DIAPH2: variants seen among roughly 807,000 people sequenced by gnomAD.
DIAPH2 encodes diaphanous related formin 2.
A neutral mutation model predicts 92.7 loss-of-function variants in DIAPH2; 35 were observed. That is an observed-to-expected ratio of 0.38 (90% confidence interval 0.29 to 0.50). The LOEUF (loss-of-function observed/expected upper bound fraction) is 0.50, where lower values mean the gene tolerates loss of function less well. DIAPH2 is among the 20% of genes least tolerant of loss of function. The pLI is 0.94. For missense variants in DIAPH2, 701 were observed against 819.5 expected (o/e 0.86, Z 1.77); for synonymous variants, 301 against 280.4 (o/e 1.07, Z -0.73).
chrX:96,725,463 C>G (rs1207688966), intron 1 of DIAPH2, among the ~76,000 whole-genome samples: 7 of 111,965 alleles, frequency 6.3e-5, no homozygotes, highest in Non-Finnish European at 1.3e-4. Flanking sequence ...CATATAATCA[C>G]ATTCTGTTTA....
At chrX:97,418,984 C>T (rs2069978625) in intron 25 of DIAPH2, among the ~76,000 whole-genome samples, 1 of 111,814 alleles carries the variant, frequency 8.9e-6, no homozygotes, top group Non-Finnish European at 1.9e-5. Context: ...TCTTTCCCTC[C>T]TTCCACCTGT....
chrX:97,097,096 T>C (rs1399256652), intron 19 of DIAPH2, among the ~76,000 whole-genome samples: 2 of 111,635 alleles, frequency 1.8e-5, no homozygotes, highest in Non-Finnish European at 3.8e-5. Flanking sequence ...CTCTCTCTCC[T>C]CTGTATTATC....
At chrX:97,563,433 G>A (rs201167246) in intron 26 of DIAPH2, among the ~76,000 whole-genome samples, 1 of 110,160 alleles carries the variant, frequency 9.1e-6, no homozygotes, top group African/African-American at 3.3e-5. Context: ...TTAATAAAAA[G>A]AAAAAAACTA....
intron 22 of DIAPH2, among the ~76,000 whole-genome samples, chrX:97,182,679 G>T (rs764361775): frequency 2.1e-4 from 24 of 111,858 alleles, no homozygotes; most frequent in Middle Eastern, 4.6e-3. Context: ...AGACAATTCT[G>T]AGCCTGAATA....
intron 22 of DIAPH2, among the ~76,000 whole-genome samples, chrX:97,186,666 T>C (rs1477466451): frequency 8.9e-6 from 1 of 112,111 alleles, no homozygotes; most frequent in East Asian, 2.8e-4. Flanking sequence ...TTGAGAAAAG[T>C]TGATATTTTT....
chrX:96,794,363 A>G (rs760112191), intron 4 of DIAPH2, among the ~76,000 whole-genome samples: 1 of 111,485 alleles, frequency 9.0e-6, no homozygotes, highest in Non-Finnish European at 1.9e-5. Flanking sequence ...GTAGGCATTC[A>G]AGAAAGGTAT....
chrX:97,291,574 C>G (rs1403134358), intron 23 of DIAPH2, among the ~76,000 whole-genome samples: 1 of 108,305 alleles, frequency 9.2e-6, no homozygotes, highest in Non-Finnish European at 1.9e-5. Flanking sequence ...CACTCTGTTG[C>G]CAGGCTGGAG....
chrX:97,137,900 A>G (rs1051140400), intron 21 of DIAPH2, among the ~76,000 whole-genome samples: 5 of 112,252 alleles, frequency 4.5e-5, no homozygotes, highest in Admixed American at 9.5e-5. Context: ...AATAACATCT[A>G]TGCGGTTAGG....
intron 4 of DIAPH2, among the ~76,000 whole-genome samples, chrX:96,817,930 T>G (rs2064748221): frequency 9.2e-6 from 1 of 108,523 alleles, no homozygotes; most frequent in African/African-American, 3.4e-5. Flanking sequence ...TAGTGAAGTG[T>G]GTTAGCTGTT....
At chrX:97,140,236 T>TA (rs779179194) in intron 21 of DIAPH2, among the ~76,000 whole-genome samples, 1 of 111,148 alleles carries the variant, frequency 9.0e-6, no homozygotes, top group Non-Finnish European at 1.9e-5. Flanking sequence ...GGCATACTCT[T>TA]AAAAACGATG....
intron 4 of DIAPH2, among the ~76,000 whole-genome samples, chrX:96,847,805 C>G (rs772445607): frequency 5.0e-4 from 55 of 110,713 alleles, no homozygotes; most frequent in African/African-American, 1.8e-3. Context: ...CAAGTAGGCC[C>G]CCTTGTCTGT....
chrX:97,557,360 G>A (rs1284103389), intron 26 of DIAPH2, among the ~76,000 whole-genome samples: 5 of 111,671 alleles, frequency 4.5e-5, no homozygotes, highest in Non-Finnish European at 9.4e-5. Context: ...CCAACATGGT[G>A]AAACCCCATC....
intron 26 of DIAPH2, among the ~76,000 whole-genome samples, chrX:97,522,215 A>G (rs2070995943): frequency 1.8e-5 from 2 of 112,121 alleles, no homozygotes; most frequent in South Asian, 7.4e-4. Context: ...ATACATTCAA[A>G]CTGTGCTTCT....
rs1275082491 is a variant in DIAPH2, at chrX:97,297,733, A to C, written c.2844+49894A>C. 4.6e-5 allele frequency among the ~76,000 whole-genome samples: 5 copies of C among 109,643 alleles called. No homozygotes were observed. The Admixed American group carries it at 5.0e-4, about 11-fold the overall frequency. The stretch of plus-strand genomic sequence containing the variant: ...ACCACTGGTGTGACTTTTCCCCCCA[A>C]TATAAGCATTACTATTATGACTATT... On this transcript the variant is annotated intron_variant, in intron 23 of 26. Transcript: ENST00000324765.
intron 5 of DIAPH2, among the ~76,000 whole-genome samples, chrX:96,904,735 A>G (rs2065421459): frequency 9.0e-6 from 1 of 111,290 alleles, no homozygotes; most frequent in Admixed American, 9.6e-5. Context: ...CCTTAAGTGT[A>G]TGCAACTAAA....
chrX:97,473,407 T>C (rs1365423224), intron 26 of DIAPH2, among the ~76,000 whole-genome samples: 2 of 111,764 alleles, frequency 1.8e-5, no homozygotes, highest in Non-Finnish European at 3.8e-5. Flanking sequence ...TAATCTCTGC[T>C]CACTGCAACC....
chrX:96,904,433 A>C (rs1398195486), intron 5 of DIAPH2, among the ~76,000 whole-genome samples: 1 of 112,218 alleles, frequency 8.9e-6, no homozygotes. Context: ...GCTTTCATGT[A>C]GAGAAACCTG....
chrX:96,730,915 C>T (rs1427015197), intron 1 of DIAPH2, among the ~76,000 whole-genome samples: 2 of 110,144 alleles, frequency 1.8e-5, no homozygotes, highest in Non-Finnish European at 3.8e-5. Flanking sequence ...GGGGTGGGGC[C>T]GTTTTATAGG....
chrX:97,560,077 C>T (rs866603966), intron 26 of DIAPH2, among the ~76,000 whole-genome samples: 6 of 111,824 alleles, frequency 5.4e-5, no homozygotes, highest in Non-Finnish European at 1.1e-4. Flanking sequence ...TATCTCAACA[C>T]TTCCTGAAGG....
Sources: gnomAD v4.1 joint callset for allele counts (sites outside exome capture counted in the v4.1 genomes callset) on GRCh38, gnomAD v4.1.1 for gene constraint, MANE v1.5 for transcripts, NCBI Gene and HGNC (gene_info 2026-07-23, HGNC 2026-07-21) for gene names.